Variants in PUM2 observed in about 807,000 individuals in gnomAD.
PUM2 encodes the protein pumilio RNA binding family member 2, also known as pumilio homolog 2.
A neutral mutation model predicts 124.5 loss-of-function variants in PUM2; 57 were observed. That is an observed-to-expected ratio of 0.46 (90% confidence interval 0.37 to 0.57). The LOEUF (loss-of-function observed/expected upper bound fraction) is 0.57. Among genes scored for constraint, PUM2 ranks in the 20% least tolerant of loss-of-function variants. The probability of loss-of-function intolerance (pLI) is 0.00; values close to 1 mark genes in which losing one functional copy is unlikely to be tolerated. For missense variants in PUM2, 1,065 were observed against 1,290.6 expected, an observed-to-expected ratio of 0.83 and a Z score of 2.68; for synonymous variants, 460 against 446.1, an observed-to-expected ratio of 1.03 and a Z score of -0.39.
At position 20,263,330 on chromosome 2, in the gene PUM2, C is replaced by A. The variant is rs1467556281; in HGVS notation, c.2088G>T (p.Arg696=). 3.7e-6 allele frequency: 6 copies of A among 1,614,130 alleles called. 1 individual carries two copies. The South Asian group carries it at 6.6e-5, about 18-fold the overall frequency. Residue 696 remains arginine, a synonymous_variant, in exon 14 of 21, where the codon CGG becomes CGT. Coordinates refer to ENST00000361078, the MANE Select transcript of PUM2 (RefSeq NM_015317.5). ...AAGGCATAATATCAGACCTATTATA[C>A]CGAAGCCGGGAAGGAGGAAAGAGCT... is the stretch of plus-strand genomic sequence containing the variant. ...SSQLFPPSRL[R]YNRSDIMPSG... is the part of the protein sequence containing the mutation.
intron 13 of PUM2, among the ~76,000 whole-genome samples, chr2:20,264,366 AAATATATAT>A (rs1667108508): frequency 8.7e-5 from 5 of 57,706 alleles, no homozygotes; most frequent in African/African-American, 3.4e-4. Context: ...AAAAAAAAAA[AAATATATAT>A]ATATATATAT....
At chr2:20,270,615 A>G (rs1037468257) in intron 13 of PUM2, among the ~76,000 whole-genome samples, 5 of 152,210 alleles carry the variant, frequency 3.3e-5, no homozygotes, top group Non-Finnish European at 5.9e-5. Context: ...TCATAATGCA[A>G]TGTTCTAAAG....
intron 4 of PUM2, among the ~76,000 whole-genome samples, chr2:20,311,966 T>C (rs1679707596): frequency 6.6e-6 from 1 of 152,178 alleles, no homozygotes; most frequent in South Asian, 2.1e-4. Context: ...GATCAAGCAC[T>C]ACCAGGAATA....
chr2:20,278,846 A>G, intron 12 of PUM2, 27 bp from the exon 13 acceptor site: 1 of 1,548,060 alleles, frequency 6.5e-7, no homozygotes, highest in Non-Finnish European at 8.9e-7. Context: ...AAAAACCCTA[A>G]TTACATACAG....
chr2:20,306,604 C>CT (rs752275959), intron 7 of PUM2, among the ~76,000 whole-genome samples: 2,022 of 126,440 alleles, frequency 0.016, 52 homozygotes, highest in African/African-American at 0.051. Flanking sequence ...TAAATGTGGA[C>CT]TTTTTTTTTT....
At chr2:20,324,929 G>A (rs553551605) in intron 2 of PUM2, among the ~76,000 whole-genome samples, 14 of 138,378 alleles carry the variant, frequency 1.0e-4, no homozygotes, top group East Asian at 7.5e-4. Flanking sequence ...TTTAAAAACC[G>A]TTTTGCATTA....
At chr2:20,258,650 CT>C (rs1057217780) in intron 15 of PUM2, among the ~76,000 whole-genome samples, 3,245 of 93,690 alleles carry the variant, frequency 0.035, 7 homozygotes, top group African/African-American at 0.056. Flanking sequence ...AACCCTTCAT[CT>C]TTTTTTTTTT....
At chr2:20,340,812 A>G (rs570276966) in intron 1 of PUM2, among the ~76,000 whole-genome samples, 2 of 152,320 alleles carry the variant, frequency 1.3e-5, no homozygotes, top group Admixed American at 1.3e-4. Flanking sequence ...ATCAGAATCA[A>G]AAGACCAAGA....
intron 6 of PUM2, 110 bp from the exon 7 acceptor site, chr2:20,308,181 A>C: frequency 6.8e-7 from 1 of 1,476,640 alleles, no homozygotes; most frequent in South Asian, 1.3e-5. Context: ...ACTTTCTCAA[A>C]TACAGGACAC....
At chr2:20,260,221 C>T in intron 15 of PUM2, 116 bp downstream of exon 15, 1 of 1,150,980 alleles carries the variant, frequency 8.7e-7, no homozygotes, top group Non-Finnish European at 1.2e-6. Context: ...TATCTTATCC[C>T]TGGCTTATTA....
chr2:20,294,445 T>C lies in PUM2; in HGVS notation c.1083A>G (p.Gln361=), dbSNP rs765756947. Residue 361 remains glutamine (Q), a synonymous_variant, in exon 9 of 21, where the codon CAA becomes CAG. Coordinates refer to ENST00000361078, the MANE Select transcript of PUM2 (RefSeq NM_015317.5). The stretch of plus-strand genomic sequence containing the variant: ...CTGTGTTATTTGCCGCAGCTGCAGC[T>C]TGCTGCTGAAATAAGTTGGCTGGAT... ...GVYPANLFQQ[Q]AAAAANNTAS... 1.2e-6 allele frequency: 2 copies of C among 1,614,170 alleles called. No individual in the cohort carries two copies. Among genetic ancestry groups the C allele is most frequent in the South Asian group, 1.1e-5 (1 of 91,080 alleles).
intron 15 of PUM2, 122 bp downstream of exon 15, chr2:20,260,215 T>G (rs140290433): frequency 4.1e-4 from 452 of 1,102,532 alleles, no homozygotes; most frequent in Non-Finnish European, 1.2e-4. Context: ...TGTAAATATC[T>G]TATCCCTGGC....
At chr2:20,312,012 A>G (rs1274942052) in intron 4 of PUM2, among the ~76,000 whole-genome samples, 1 of 152,200 alleles carries the variant, frequency 6.6e-6, no homozygotes, top group Non-Finnish European at 1.5e-5. Context: ...TTTAAAAATT[A>G]GTATGATTTG....
chr2:20,256,570 A>C lies in PUM2; in HGVS notation c.2485-400T>G, dbSNP rs114351982. 6.5e-3 allele frequency among the ~76,000 whole-genome samples: 997 copies of C among 152,318 alleles called. 6 individuals carry two copies. The highest frequency in any genetic ancestry group is 0.022 in the African/African-American group (921 of 41,548). ...AGAATTACACACTTCCGCCTTACTT[A>C]GTACCACCTCCACCACCAAAGGAAT... On this transcript the variant is annotated intron_variant, in intron 16 of 20. Coordinates refer to ENST00000361078, the MANE Select transcript of PUM2 (RefSeq NM_015317.5).
At position 20,253,939 on chromosome 2, in the gene PUM2, C is replaced by T; in HGVS notation, c.2946G>A (p.Gln982=). 6.2e-7 allele frequency: 1 copy of T among 1,614,144 alleles called. No individual in the cohort carries two copies. Among genetic ancestry groups the T allele is most frequent in the East Asian group, 2.2e-5 (1 of 44,884 alleles). The part of the protein sequence containing the change: ...RALLIDEVCC[Q]NDGPHSALYT... ...ATAAGGCACTGTGAGGACCATCATT[C>T]TGGCAGCAAACCTCGTCAATCAGTA... is the stretch of plus-strand genomic sequence containing the variant. Residue 982 remains glutamine (Q), a synonymous_variant, in exon 20 of 21, where the codon CAG becomes CAA. Transcript: ENST00000361078.
At chr2:20,333,785 A>C (rs999196518) in intron 1 of PUM2, among the ~76,000 whole-genome samples, 1 of 152,136 alleles carries the variant, frequency 6.6e-6, no homozygotes, top group Non-Finnish European at 1.5e-5. Context: ...TCTCATGTCA[A>C]AACGTAAACC....
intron 2 of PUM2, among the ~76,000 whole-genome samples, chr2:20,322,984 A>G (rs982828862): frequency 6.6e-6 from 1 of 152,218 alleles, no homozygotes; most frequent in Admixed American, 6.5e-5. Flanking sequence ...AACAGCAAAC[A>G]TTACTAAATG....
intron 9 of PUM2, among the ~76,000 whole-genome samples, chr2:20,293,552 T>C (rs540065968): frequency 2.2e-4 from 34 of 151,936 alleles, no homozygotes; most frequent in Non-Finnish European, 4.9e-4. Flanking sequence ...CTAATAAAAA[T>C]AGAAAAAATT....
At chr2:20,320,498 A>T (rs1558638992) in intron 2 of PUM2, among the ~76,000 whole-genome samples, 1 of 152,292 alleles carries the variant, frequency 6.6e-6, no homozygotes, top group Middle Eastern at 3.4e-3. Context: ...CAATTTGAGC[A>T]TGTTCCTGAA....
Sources: gnomAD v4.1 joint callset for allele counts (sites outside exome capture counted in the v4.1 genomes callset) on GRCh38, gnomAD v4.1.1 for gene constraint, MANE v1.5 for transcripts, NCBI Gene and HGNC (gene_info 2026-07-23, HGNC 2026-07-21) for gene names.